EML5: variants seen among roughly 807,000 people sequenced by gnomAD.
EML5 encodes the protein EMAP like 5.
In EML5, 120 loss-of-function variants were observed where a neutral mutation model predicts 250.0. The observed-to-expected ratio is 0.48, with a 90% CI of 0.41 to 0.56. EML5 has a LOEUF of 0.56. EML5 is among the 20% of genes least tolerant of loss of function. The pLI is 0.00. For missense variants in EML5, 2,006 were observed against 2,437.6 expected, an observed-to-expected ratio of 0.82 and a Z score of 3.73; for synonymous variants, 771 against 806.5, an observed-to-expected ratio of 0.96 and a Z score of 0.75.
At chr14:88,677,335 A>C (rs898275058) in intron 21 of EML5, among the ~76,000 whole-genome samples, 11 of 152,222 alleles carry the variant, frequency 7.2e-5, no homozygotes, top group Admixed American at 2.0e-4. Context: ...TGTAAAACCC[A>C]AAACTATAAA....
chr14:88,778,019 C>G (rs974994404), intron 1 of EML5, among the ~76,000 whole-genome samples: 5 of 152,168 alleles, frequency 3.3e-5, no homozygotes, highest in Admixed American at 6.5e-5. Flanking sequence ...CAAGTTAGGG[C>G]ATAGAGTTTT....
intron 1 of EML5, among the ~76,000 whole-genome samples, chr14:88,757,660 G>A (rs2094179465): frequency 6.6e-6 from 1 of 151,888 alleles, no homozygotes; most frequent in Non-Finnish European, 1.5e-5. Context: ...ACAAATAAAG[G>A]ATTTTAACAG....
chr14:88,706,498 T>C (rs2093319850), intron 10 of EML5, 72 bp from the exon 11 acceptor site: 2 of 1,135,818 alleles, frequency 1.8e-6, no homozygotes, highest in Admixed American at 3.3e-5. Context: ...AATTTTTATA[T>C]ATGAACCACT....
At chr14:88,687,643 CATCCTT>C (rs1359460715) in intron 18 of EML5, among the ~76,000 whole-genome samples, 1 of 148,674 alleles carries the variant, frequency 6.7e-6, no homozygotes, top group East Asian at 2.0e-4. Context: ...ATAATAACCT[CATCCTT>C]AAAAAGAGAA....
chr14:88,688,533 G>T (rs940571830), intron 17 of EML5, 60 bp from the exon 18 acceptor site: 4 of 1,540,684 alleles, frequency 2.6e-6, no homozygotes, highest in African/African-American at 1.4e-5. Flanking sequence ...TTATAAAGAA[G>T]CAAAGTTTCT....
chr14:88,696,164 A>AAT (rs10551487), intron 15 of EML5, among the ~76,000 whole-genome samples: 16,421 of 147,274 alleles, frequency 0.11, 937 homozygotes, highest in African/African-American at 0.14. Context: ...CAACTCTTTG[A>AAT]ATATATATAT....
At chr14:88,648,498 T>G (rs1017133899) in intron 28 of EML5, among the ~76,000 whole-genome samples, 9 of 151,992 alleles carry the variant, frequency 5.9e-5, no homozygotes, top group Non-Finnish European at 1.0e-4. Context: ...GGACCACAGG[T>G]GCACACCACC....
intron 1 of EML5, among the ~76,000 whole-genome samples, chr14:88,774,307 C>T (rs1023461422): frequency 6.6e-6 from 1 of 152,170 alleles, no homozygotes; most frequent in African/African-American, 2.4e-5. Flanking sequence ...CGATCCAGGG[C>T]TGCCAGCTAT....
intron 31 of EML5, 90 bp downstream of exon 31, chr14:88,642,803 T>C: frequency 1.6e-6 from 2 of 1,247,246 alleles, no homozygotes; most frequent in South Asian, 1.5e-5. Flanking sequence ...TCAATTACTA[T>C]TTATAGCTTT....
At chr14:88,767,242 A>AT (rs1364805581) in intron 1 of EML5, among the ~76,000 whole-genome samples, 2 of 152,226 alleles carry the variant, frequency 1.3e-5, no homozygotes, top group Non-Finnish European at 2.9e-5. Context: ...GTGCTACCAC[A>AT]TGTACACACA....
intron 7 of EML5, among the ~76,000 whole-genome samples, chr14:88,726,884 T>C (rs1408476745): frequency 6.6e-6 from 1 of 152,210 alleles, no homozygotes; most frequent in Non-Finnish European, 1.5e-5. Context: ...TTGAATTTTT[T>C]TGGCGACATC....
intron 9 of EML5, among the ~76,000 whole-genome samples, chr14:88,714,347 A>G (rs909951706): frequency 2.0e-5 from 3 of 152,178 alleles, no homozygotes; most frequent in African/African-American, 7.2e-5. Context: ...ATTAAGAACC[A>G]AAGGATTTAT....
chr14:88,691,978 C>T (rs1331736636), intron 17 of EML5, among the ~76,000 whole-genome samples: 1 of 152,146 alleles, frequency 6.6e-6, no homozygotes, highest in Non-Finnish European at 1.5e-5. Context: ...CAAACAAATT[C>T]ATAGTTCTTT....
chr14:88,649,376 A>T (rs1035549582), intron 28 of EML5, among the ~76,000 whole-genome samples: 4 of 152,122 alleles, frequency 2.6e-5, no homozygotes, highest in Admixed American at 6.6e-5. Context: ...TTTAATTTAT[A>T]AAACAGACTA....
intron 36 of EML5, 151 bp downstream of exon 36, chr14:88,624,818 GA>G: frequency 1.2e-6 from 1 of 834,126 alleles, no homozygotes; most frequent in Non-Finnish European, 1.8e-6. Context: ...GAATCAAATA[GA>G]AGGCACATAA....
At chr14:88,758,848 A>C (rs1008924209) in intron 1 of EML5, among the ~76,000 whole-genome samples, 1 of 152,358 alleles carries the variant, frequency 6.6e-6, no homozygotes, top group Admixed American at 6.5e-5. Context: ...GCATTAATAC[A>C]TGCTACAACA....
At chr14:88,710,319 A>G (rs2093384405) in intron 10 of EML5, among the ~76,000 whole-genome samples, 1 of 152,228 alleles carries the variant, frequency 6.6e-6, no homozygotes, top group Non-Finnish European at 1.5e-5. Context: ...TTTTGTTTCA[A>G]TTACAATGAT....
Position 88,714,934 on chromosome 14 carries a change from G to A in EML5, c.1444+5C>T. On this transcript the variant is annotated splice_donor_5th_base_variant and intron_variant, in intron 9 of 43. Transcript: ENST00000554922. ...ACAAATCTATAATTTGCTAGAAATT[G>A]TTACCTGGCATTCTATAAAAAAGTC... is the stretch of plus-strand genomic sequence containing the variant. The A allele has an allele frequency of 6.2e-7, 1 of 1,609,316 alleles. No homozygotes were observed. The highest frequency in any genetic ancestry group is 1.3e-5 in the African/African-American group (1 of 74,742).
chr14:88,706,246 G>A lies in EML5; in HGVS notation c.1825+13C>T. ...TTGACAGGGAAACTGTTTAGCTAAT[G>A]CATACTACTCACCTTGGGGTGCTAT... On this transcript the variant is annotated intron_variant, in intron 11 of 43. Transcript: ENST00000554922. The A allele has an allele frequency of 1.3e-6, 2 of 1,575,350 alleles. No homozygotes were observed. The highest frequency in any genetic ancestry group is 1.7e-6 in the Non-Finnish European group (2 of 1,166,356).
Sources: allele counts gnomAD v4.1 joint callset (sites outside exome capture counted in the v4.1 genomes callset), GRCh38; gene constraint gnomAD v4.1.1; transcripts MANE v1.5; gene names NCBI Gene and HGNC (gene_info 2026-07-23, HGNC 2026-07-21).